The following MKLN1 variants were observed in gnomAD, a reference collection of about 807,000 sequenced individuals.
The protein encoded by MKLN1 is muskelin 1, also known as muskelin.
In MKLN1, 18 loss-of-function variants were observed where a neutral mutation model predicts 99.0. The observed-to-expected ratio is 0.18, with a 90% CI of 0.13 to 0.27. The LOEUF (loss-of-function observed/expected upper bound fraction) is 0.27. MKLN1 is among the 10% of genes least tolerant of loss of function. MKLN1 has a pLI of 1.00. For missense variants in MKLN1, 621 were observed against 875.9 expected (o/e 0.71, Z 3.67); for synonymous variants, 288 against 293.2 (o/e 0.98, Z 0.18).
chr7:131,244,533 G>T (rs1797455722), intron 3 of MKLN1, among the ~76,000 whole-genome samples: 1 of 152,058 alleles, frequency 6.6e-6, no homozygotes, highest in Admixed American at 6.5e-5. Flanking sequence ...GATCCCTTTT[G>T]TCTCCCTGCT....
intron 8 of MKLN1, among the ~76,000 whole-genome samples, chr7:131,426,445 A>AT (rs917255866): frequency 8.6e-5 from 13 of 150,436 alleles, no homozygotes; most frequent in Admixed American, 1.3e-4. Context: ...AAATTCTTTA[A>AT]TTTTTTTTTT....
chr7:131,234,221 C>T (rs1295542950), intron 3 of MKLN1, among the ~76,000 whole-genome samples: 5 of 152,022 alleles, frequency 3.3e-5, no homozygotes, highest in Non-Finnish European at 7.4e-5. Flanking sequence ...CTCAGGTGAT[C>T]CGCCTGCCTC....
At chr7:131,293,006 G>GT (rs1563281737) in intron 3 of MKLN1, among the ~76,000 whole-genome samples, 1 of 152,220 alleles carries the variant, frequency 6.6e-6, no homozygotes, top group African/African-American at 2.4e-5. Flanking sequence ...GCAATAGGAG[G>GT]TTGAGTTTAT....
intron 3 of MKLN1, among the ~76,000 whole-genome samples, chr7:131,243,875 C>T (rs1453761425): frequency 6.6e-6 from 1 of 152,030 alleles, no homozygotes; most frequent in African/African-American, 2.4e-5. Flanking sequence ...ATTAGCTGGG[C>T]ATGGTGGCAC....
At chr7:131,303,879 C>T (rs947158569) in intron 3 of MKLN1, among the ~76,000 whole-genome samples, 7 of 152,152 alleles carry the variant, frequency 4.6e-5, no homozygotes, top group Admixed American at 6.5e-5. Context: ...GCCAACAGCC[C>T]CATGCCTTTA....
At chr7:131,339,997 G>C (rs189761476) in intron 1 of MKLN1, among the ~76,000 whole-genome samples, 114 of 151,818 alleles carry the variant, frequency 7.5e-4, no homozygotes, top group Admixed American at 2.2e-3. Context: ...CATAGAAATG[G>C]TATAATAAGC....
chr7:131,116,973 A>C (rs1274030084), intron 1 of MKLN1, among the ~76,000 whole-genome samples: 2 of 152,154 alleles, frequency 1.3e-5, no homozygotes, highest in South Asian at 4.1e-4. Context: ...TTAAATGTAC[A>C]AAGCCTTTAC....
chr7:131,301,850 A>G (rs1351637920), intron 3 of MKLN1, among the ~76,000 whole-genome samples: 1 of 152,172 alleles, frequency 6.6e-6, no homozygotes, highest in Non-Finnish European at 1.5e-5. Context: ...GATATTTTCA[A>G]GGGGAAGAGG....
chr7:131,316,440 C>G (rs1296980384), intron 3 of MKLN1, among the ~76,000 whole-genome samples: 1 of 152,190 alleles, frequency 6.6e-6, no homozygotes, highest in African/African-American at 2.4e-5. Flanking sequence ...CACAAAAACT[C>G]CCATCCAAAT....
intron 7 of MKLN1, among the ~76,000 whole-genome samples, chr7:131,411,954 G>T (rs1024811107): frequency 7.5e-6 from 1 of 133,426 alleles, no homozygotes; most frequent in Non-Finnish European, 1.6e-5. Context: ...AGACATGTTG[G>T]CAGGCATCTG....
At chr7:131,145,631 A>G (rs1795805571) in intron 2 of MKLN1, among the ~76,000 whole-genome samples, 1 of 152,244 alleles carries the variant, frequency 6.6e-6, no homozygotes, top group Non-Finnish European at 1.5e-5. Context: ...GGTTTTATGT[A>G]GGTGTGTAAG....
chr7:131,267,160 C>G, intron 3 of MKLN1, among the ~76,000 whole-genome samples: 1 of 151,686 alleles, frequency 6.6e-6, no homozygotes, highest in East Asian at 2.0e-4. Flanking sequence ...TGGTGAAACC[C>G]CATCTCTACT....
At chr7:131,340,953 A>G (rs1799391021) in intron 1 of MKLN1, among the ~76,000 whole-genome samples, 1 of 152,106 alleles carries the variant, frequency 6.6e-6, no homozygotes, top group Non-Finnish European at 1.5e-5. Context: ...CTTTTTATTT[A>G]AATCTTTGAG....
In MKLN1 at chr7:131,227,582, T is replaced by C. The variant is rs180760044; in HGVS notation, c.-179+24608T>C. ...TCCTTCCCTCTTTCTTTCTTTTTTT[T>C]TGAGACAGAATCTCACTCTGTCACC... On this transcript the variant is annotated intron_variant, in intron 3 of 7. Coordinates refer to the MKLN1 transcript ENST00000416992. Among the ~76,000 whole-genome samples, 451 of 147,494 alleles carry C rather than the reference T, an allele frequency of 3.1e-3. 2 individuals carry two copies. Among genetic ancestry groups the C allele is most frequent in the Admixed American group, 0.01 (149 of 14,330 alleles).
At chr7:131,469,515 G>A (rs924235907) in intron 15 of MKLN1, among the ~76,000 whole-genome samples, 2 of 152,142 alleles carry the variant, frequency 1.3e-5, no homozygotes, top group African/African-American at 4.8e-5. Flanking sequence ...TTACCTAAAG[G>A]ACTCTCATCT....
chr7:131,194,370 A>T (rs1158108559), intron 2 of MKLN1, among the ~76,000 whole-genome samples: 5 of 152,252 alleles, frequency 3.3e-5, no homozygotes, highest in Admixed American at 3.3e-4. Context: ...CTATGAATGG[A>T]CTCAAATGGC....
intron 3 of MKLN1, among the ~76,000 whole-genome samples, chr7:131,301,629 T>G (rs4731787): frequency 0.49 from 74,978 of 151,774 alleles, 18,874 homozygotes; most frequent in Admixed American, 0.6. Context: ...TTGTTTGTTA[T>G]GGTCTATAGC....
chr7:131,370,011 T>C (rs1800297573), intron 1 of MKLN1, among the ~76,000 whole-genome samples: 1 of 152,220 alleles, frequency 6.6e-6, no homozygotes, highest in South Asian at 2.1e-4. Context: ...TAATTTTTTG[T>C]ATTTTTAGTA....
At chr7:131,257,998 G>A (rs58317721) in intron 3 of MKLN1, among the ~76,000 whole-genome samples, 437 of 151,884 alleles carry the variant, frequency 2.9e-3, no homozygotes, top group African/African-American at 0.01. Context: ...GAGTGTTCCT[G>A]TCGTCCCAGC....
Sources: allele counts gnomAD v4.1 joint callset (sites outside exome capture counted in the v4.1 genomes callset), GRCh38; gene constraint gnomAD v4.1.1; transcripts MANE v1.5; gene names NCBI Gene and HGNC (gene_info 2026-07-23, HGNC 2026-07-21).